The following EYS variants were observed in gnomAD, a reference collection of about 807,000 sequenced individuals.
EYS encodes the protein EGF-like photoreceptor maintenance factor.
Under a neutral mutation model 282.1 loss-of-function variants are expected in EYS, and 250 were observed. The observed-to-expected ratio is 0.89, with a 90% CI of 0.80 to 0.98. EYS has a LOEUF of 0.98. Ranked by LOEUF, EYS falls within the 50% of genes least tolerant of loss-of-function variation. The pLI, the probability that EYS is intolerant of heterozygous loss-of-function variation, is 0.00. For synonymous variants in EYS, 1,355 were observed against 1,282.9 expected (o/e 1.06, Z -1.20); for missense variants, 4,016 against 3,709.0 (o/e 1.08, Z -2.15).
chr6:65,016,605 G>A (rs577397309), intron 13 of EYS, among the ~76,000 whole-genome samples: 229 of 152,288 alleles, frequency 1.5e-3, no homozygotes, highest in Non-Finnish European at 2.7e-3. Flanking sequence ...AATTACAGAA[G>A]TCTTTAGTGA....
At chr6:65,047,855 C>T (rs1773148263) in intron 13 of EYS, among the ~76,000 whole-genome samples, 1 of 151,814 alleles carries the variant, frequency 6.6e-6, no homozygotes, top group Non-Finnish European at 1.5e-5. Context: ...GTGGATGGTG[C>T]TAGAACCTAA....
intron 7 of EYS, among the ~76,000 whole-genome samples, chr6:65,391,122 T>C (rs1413644066): frequency 3.3e-5 from 5 of 152,038 alleles, no homozygotes; most frequent in Non-Finnish European, 7.4e-5. Context: ...ATTTTTTATA[T>C]GGAAATTAAT....
At chr6:64,856,463 G>T (rs1766064322) in intron 19 of EYS, among the ~76,000 whole-genome samples, 1 of 151,882 alleles carries the variant, frequency 6.6e-6, no homozygotes, top group Non-Finnish European at 1.5e-5. Flanking sequence ...ACCATGCCTG[G>T]GTAATTTTTG....
intron 31 of EYS, among the ~76,000 whole-genome samples, chr6:64,155,310 A>G (rs1774879448): frequency 6.6e-6 from 1 of 151,902 alleles, no homozygotes; most frequent in Non-Finnish European, 1.5e-5. Context: ...ATCATTTCCA[A>G]CCATTTCCAA....
intron 12 of EYS, among the ~76,000 whole-genome samples, chr6:65,258,540 TGGG>T (rs1254516560): frequency 6.6e-6 from 1 of 151,998 alleles, no homozygotes; most frequent in Admixed American, 6.6e-5. Context: ...TCACAAGCTG[TGGG>T]GAAGGGGGAG....
chr6:65,564,040 AAATACCTAGGAATAC>A (rs1769168506), intron 2 of EYS, among the ~76,000 whole-genome samples: 1 of 152,164 alleles, frequency 6.6e-6, no homozygotes, highest in Non-Finnish European at 1.5e-5. Flanking sequence ...AAGAGAATAA[AAATACCTAGGAATAC>A]AACTTACAAG....
In EYS at chr6:65,595,984, C is replaced by T. The variant is rs141475632; in HGVS notation, c.-333+43794G>A. ...TCAACCCCCTATCTCAGTGGAAAAA[C>T]AGCCTATTGCGAGCACCCCTATGAG... On this transcript the variant is annotated intron_variant, in intron 2 of 42. Coordinates refer to ENST00000503581, the MANE Select transcript of EYS (RefSeq NM_001142800.2). Among the ~76,000 whole-genome samples the T allele has an allele frequency of 6.2e-3, 936 of 152,150 alleles. 6 individuals carry two copies. Among genetic ancestry groups the T allele is most frequent in the Non-Finnish European group, 0.01 (694 of 67,984 alleles).
intron 5 of EYS, among the ~76,000 whole-genome samples, chr6:65,477,940 A>C (rs1429628495): frequency 2.0e-5 from 3 of 152,170 alleles, no homozygotes; most frequent in Admixed American, 2.0e-4. Flanking sequence ...CTATTTTCAA[A>C]TATGTCTGTC....
chr6:63,991,575 C>T (rs528056969), intron 34 of EYS, among the ~76,000 whole-genome samples: 12 of 151,392 alleles, frequency 7.9e-5, no homozygotes, highest in African/African-American at 2.9e-4. Flanking sequence ...AAATTCATTA[C>T]AGAATTTCAA....
intron 22 of EYS, among the ~76,000 whole-genome samples, chr6:64,652,440 C>T (rs1372428226): frequency 6.6e-6 from 1 of 152,040 alleles, no homozygotes; most frequent in Non-Finnish European, 1.5e-5. Context: ...GTATTTTCTA[C>T]CTGACAAAAA....
At chr6:65,448,312 A>G (rs1764272100) in intron 5 of EYS, among the ~76,000 whole-genome samples, 1 of 152,106 alleles carries the variant, frequency 6.6e-6, no homozygotes, top group Non-Finnish European at 1.5e-5. Flanking sequence ...AAATGAAGAT[A>G]AAGAAGTTAG....
At chr6:64,420,108 C>T (rs893060971) in intron 28 of EYS, among the ~76,000 whole-genome samples, 3 of 152,202 alleles carry the variant, frequency 2.0e-5, no homozygotes, top group African/African-American at 7.2e-5. Context: ...GAAATCTAGG[C>T]AGAGCTCCCC....
chr6:64,429,347 C>T (rs1368114221), intron 28 of EYS, among the ~76,000 whole-genome samples: 1 of 152,076 alleles, frequency 6.6e-6, no homozygotes, highest in African/African-American at 2.4e-5. Flanking sequence ...TTAAAAATTA[C>T]AGGCCAGGTG....
chr6:63,749,691 G>A (rs980123821), intron 41 of EYS, among the ~76,000 whole-genome samples: 3 of 152,152 alleles, frequency 2.0e-5, no homozygotes, highest in African/African-American at 7.2e-5. Context: ...CCTGCTGCCA[G>A]GATTCCAGAG....
In EYS at chr6:63,935,200, G is replaced by A. The variant is rs140229909; in HGVS notation, c.7055+49183C>T. Among the ~76,000 whole-genome samples the A allele has an allele frequency of 3.4e-3, 513 of 152,314 alleles. 1 individual carries two copies. The highest frequency in any genetic ancestry group is 0.013 in the South Asian group (61 of 4,828). ...CTGGGATAGAAGCTGCCTAAAGCAGGAGCTTGTCTGCCTTGTTCACTGCTG... is the reference window on the plus strand; with the variant it reads ...CTGGGATAGAAGCTGCCTAAAGCAGAAGCTTGTCTGCCTTGTTCACTGCTG... On this transcript the variant is annotated intron_variant, in intron 35 of 42. Transcript: ENST00000503581.
chr6:65,674,429 T>G, intron 1 of EYS, among the ~76,000 whole-genome samples: 1 of 116,624 alleles, frequency 8.6e-6, no homozygotes. Context: ...CCAGCCTGAG[T>G]GACAGAGCAA....
intron 14 of EYS, among the ~76,000 whole-genome samples, chr6:64,973,149 T>C (rs1770354439): frequency 6.6e-6 from 1 of 152,096 alleles, no homozygotes; most frequent in Non-Finnish European, 1.5e-5. Flanking sequence ...AGGAGCATAA[T>C]TAAGTAAAAT....
chr6:63,865,725 C>T (rs950681982), intron 35 of EYS, among the ~76,000 whole-genome samples: 1 of 152,174 alleles, frequency 6.6e-6, no homozygotes, highest in African/African-American at 2.4e-5. Context: ...TTTGAATCCC[C>T]TTACTCCAAA....
intron 12 of EYS, among the ~76,000 whole-genome samples, chr6:65,185,640 T>C (rs1018805452): frequency 2.0e-5 from 3 of 151,832 alleles, no homozygotes; most frequent in South Asian, 4.1e-4. Context: ...ATGAAGACTA[T>C]GACATGAGTG....
Sources: gnomAD v4.1 joint callset for allele counts (sites outside exome capture counted in the v4.1 genomes callset) on GRCh38, gnomAD v4.1.1 for gene constraint, MANE v1.5 for transcripts, NCBI Gene and HGNC (gene_info 2026-07-23, HGNC 2026-07-21) for gene names.